YLPM1: variants seen among roughly 807,000 people sequenced by gnomAD.
YLPM1 encodes the protein YLP motif-containing protein 1.
Under a neutral mutation model 230.0 loss-of-function variants are expected in YLPM1, and 99 were observed. The ratio of observed to expected loss-of-function variants is 0.43; its 90% CI spans 0.37 to 0.51. The LOEUF (loss-of-function observed/expected upper bound fraction) is 0.51, where lower values mean the gene tolerates loss of function less well. YLPM1 is among the 20% of genes least tolerant of loss of function. The pLI is 0.00. For missense variants in YLPM1, 2,592 were observed against 2,707.7 expected (o/e 0.96, Z 0.95); for synonymous variants, 984 against 942.5 (o/e 1.04, Z -0.81).
chr14:74,815,973 G>A (rs370245254), intron 11 of YLPM1, among the ~76,000 whole-genome samples: 3 of 151,750 alleles, frequency 2.0e-5, no homozygotes, highest in East Asian at 1.9e-4. Flanking sequence ...TAGTTTTCAC[G>A]TATTTGTGAG....
chr14:74,818,381 A>G (rs1274661298), intron 16 of YLPM1, 67 bp downstream of exon 16: 4 of 1,365,108 alleles, frequency 2.9e-6, no homozygotes, highest in Non-Finnish European at 4.0e-6. Context: ...ACTTTGAAAA[A>G]CTTAAAACCT....
At position 74,837,285 on chromosome 14, in the gene YLPM1, A is replaced by G. The variant is rs2091648358; in HGVS notation, c.*1547A>G. The G allele has an allele frequency of 6.6e-6, 1 of 152,248 alleles. No homozygotes were observed. The highest frequency in any genetic ancestry group is 2.4e-5 in the African/African-American group (1 of 41,468). The allele number at this position is 152,248 out of a possible 1,614,324, so 9.4% of individuals were successfully genotyped here. ...GTCAATATTGAATGTATAAATTGCT[A>G]CATTAAATAACTTCTGCTGTTTGTA... On this transcript the variant is annotated 3_prime_UTR_variant, in exon 21 of 21. Coordinates refer to ENST00000325680, the MANE Select transcript of YLPM1 (RefSeq NM_019589.3).
chr14:74,779,825 A>ATGGAGT (rs1400288095), intron 2 of YLPM1, among the ~76,000 whole-genome samples: 1 of 129,192 alleles, frequency 7.7e-6, no homozygotes, highest in African/African-American at 3.1e-5. Flanking sequence ...TTTTTTTGAG[A>ATGGAGT]TGGAGTCTTG....
intron 12 of YLPM1, 100 bp downstream of exon 12, chr14:74,816,365 G>A (rs2091478310): frequency 7.3e-7 from 1 of 1,364,726 alleles, no homozygotes; most frequent in Non-Finnish European, 1.0e-6. Flanking sequence ...CAATAGAATT[G>A]TCTTCCATTT....
At chr14:74,806,648 A>G (rs1037611179) in intron 6 of YLPM1, among the ~76,000 whole-genome samples, 5 of 152,262 alleles carry the variant, frequency 3.3e-5, no homozygotes, top group African/African-American at 7.2e-5. Flanking sequence ...ATAGCCTCGT[A>G]AGCATTAGCT....
intron 19 of YLPM1, among the ~76,000 whole-genome samples, chr14:74,832,202 G>T (rs1260373051): frequency 6.6e-6 from 1 of 152,116 alleles, no homozygotes; most frequent in Admixed American, 6.5e-5. Flanking sequence ...AAAATTAAAA[G>T]GGACACTGAT....
rs2091086913 is a variant in YLPM1 at position 74,781,016 on chromosome 14, A to G, written c.1291-318A>G. Among the ~76,000 whole-genome samples the G allele has an allele frequency of 2.6e-5, 4 of 152,342 alleles. No individual in the cohort carries two copies. In the South Asian group the frequency reaches 8.3e-4, roughly 32 times the overall value. On this transcript the variant is annotated intron_variant, in intron 3 of 20. Coordinates refer to ENST00000325680, the MANE Select transcript of YLPM1 (RefSeq NM_019589.3). ...CTTTGAGGGGTAATGTTGTGTCTGT[A>G]TATCTATAATAACAGATCATTTTTC...
chr14:74,807,459 AT>A (rs1447566100), intron 6 of YLPM1, among the ~76,000 whole-genome samples: 1 of 152,194 alleles, frequency 6.6e-6, no homozygotes, highest in African/African-American at 2.4e-5. Flanking sequence ...AAGCGAGAAG[AT>A]TACTTGAGGC....
At chr14:74,829,540 A>G (rs1234136521) in intron 19 of YLPM1, among the ~76,000 whole-genome samples, 197 bp downstream of exon 19, 1 of 152,146 alleles carries the variant, frequency 6.6e-6, no homozygotes, top group Non-Finnish European at 1.5e-5. Flanking sequence ...AAATTGGAGA[A>G]CAGAACCTCA....
At chr14:74,793,388 T>C (rs1014537344) in intron 4 of YLPM1, among the ~76,000 whole-genome samples, 1 of 152,182 alleles carries the variant, frequency 6.6e-6, no homozygotes, top group African/African-American at 2.4e-5. Flanking sequence ...TAACTTCTAG[T>C]CCTTTATTGC....
At position 74,816,263 on chromosome 14, in the gene YLPM1, C is replaced by A. The variant is rs2091477529; in HGVS notation, c.5563C>A (p.Arg1855=). 1.2e-6 allele frequency: 2 copies of A among 1,610,280 alleles called. No individual in the cohort carries two copies. The highest frequency in any genetic ancestry group is 1.1e-5 in the South Asian group (1 of 90,230). ...SGKTHVAKLI[R]DKEVEFGGPA... is the part of the protein sequence containing the mutation. ...AAAGACACATGTTGCAAAACTTATT[C>A]GAGTGAGTATGGGGAAGCTGAAAAA... The change falls in exon 12 of 21, where the codon CGA becomes AGA. Residue 1855 remains arginine (R), a splice_region_variant and synonymous_variant. Transcript: ENST00000325680.
intron 9 of YLPM1, 77 bp downstream of exon 9, chr14:74,810,497 A>G: frequency 6.9e-7 from 1 of 1,440,162 alleles, no homozygotes; most frequent in Middle Eastern, 1.8e-4. Context: ...GAAATTTAAT[A>G]AGTAACATAT....
intron 1 of YLPM1, among the ~76,000 whole-genome samples, chr14:74,766,650 T>G (rs1808621869): frequency 6.7e-6 from 1 of 150,296 alleles, no homozygotes; most frequent in East Asian, 2.0e-4. Flanking sequence ...TTTTTTTTTT[T>G]TTTTTTTGGT....
intron 1 of YLPM1, among the ~76,000 whole-genome samples, chr14:74,772,608 T>C (rs1035392893): frequency 3.3e-5 from 5 of 152,102 alleles, no homozygotes; most frequent in Non-Finnish European, 2.9e-5. Context: ...CCGCCCGCCT[T>C]GGCCTCCCAA....
chr14:74,832,185 C>T (rs1015093428), intron 19 of YLPM1, among the ~76,000 whole-genome samples: 7 of 152,170 alleles, frequency 4.6e-5, no homozygotes, highest in Admixed American at 4.6e-4. Context: ...TCAAAAGTAC[C>T]TCTAGGAAAA....
chr14:74,781,504 A>T lies in YLPM1; in HGVS notation c.1461A>T (p.Gly487=), dbSNP rs1173052710. ...AGAAGCAGTGGAAAACATGGCAGGG[A>T]CATATGAAAGCCACTCAGAGCTATC... is the stretch of plus-strand genomic sequence containing the variant. ...EYEKQWKTWQ[G]HMKATQSYLQ... Residue 487 remains glycine (G), a synonymous_variant, in exon 4 of 21, where the codon GGA becomes GGT. Transcript: ENST00000325680. 6.2e-7 allele frequency: 1 copy of T among 1,613,798 alleles called. No homozygotes were observed. The highest frequency in any genetic ancestry group is 8.5e-7 in the Non-Finnish European group (1 of 1,179,862).
At chr14:74,785,508 G>A (rs2091139398) in intron 4 of YLPM1, among the ~76,000 whole-genome samples, 1 of 152,160 alleles carries the variant, frequency 6.6e-6, no homozygotes, top group South Asian at 2.1e-4. Flanking sequence ...TTTCTCCAGT[G>A]TAACTAGGTA....
At chr14:74,771,654 G>A (rs1470534447) in intron 1 of YLPM1, among the ~76,000 whole-genome samples, 1 of 152,166 alleles carries the variant, frequency 6.6e-6, no homozygotes, top group African/African-American at 2.4e-5. Flanking sequence ...GTTATCTTTT[G>A]CACCTACTGA....
At position 74,764,326 on chromosome 14, in the gene YLPM1, C is replaced by T. The variant is rs752989351; in HGVS notation, c.837C>T (p.Ala279=). ...AKNKSTEQQQ[A]APEPDPSTMT... The stretch of plus-strand genomic sequence containing the variant: ...ACAAGAGTACTGAACAGCAGCAAGC[C>T]GCCCCTGAGCCAGATCCCTCTACGA... The change falls in exon 1 of 21, where the codon GCC becomes GCT. Residue 279 remains alanine, a synonymous_variant. Coordinates refer to ENST00000325680, the MANE Select transcript of YLPM1 (RefSeq NM_019589.3). The T allele has an allele frequency of 1.9e-6, 3 of 1,612,878 alleles. No homozygotes were observed. The highest frequency in any genetic ancestry group is 3.3e-5 in the Admixed American group (2 of 59,810).
Sources: allele counts gnomAD v4.1 joint callset (sites outside exome capture counted in the v4.1 genomes callset), GRCh38; gene constraint gnomAD v4.1.1; transcripts MANE v1.5; gene names NCBI Gene and HGNC (gene_info 2026-07-23, HGNC 2026-07-21).